Variants in LRRC4C observed in about 807,000 individuals in gnomAD.
LRRC4C encodes leucine rich repeat containing 4C, also known as leucine-rich repeat-containing protein 4C.
LRRC4C carries 5 observed loss-of-function variants against 33.6 expected under a neutral mutation model. The observed-to-expected ratio is 0.15, with a 90% CI of 0.08 to 0.31. LRRC4C has a LOEUF of 0.31. Among genes scored for constraint, LRRC4C ranks in the 10% least tolerant of loss-of-function variants. The probability of loss-of-function intolerance (pLI) is 1.00; values close to 1 mark genes in which losing one functional copy is unlikely to be tolerated. For synonymous variants in LRRC4C, 329 were observed against 302.0 expected, an observed-to-expected ratio of 1.09 and a Z score of -0.93; for missense variants, 560 against 796.7, an observed-to-expected ratio of 0.70 and a Z score of 3.58.
chr11:40,199,773 T>G (rs1392636797), intron 5 of LRRC4C, among the ~76,000 whole-genome samples: 4 of 152,212 alleles, frequency 2.6e-5, no homozygotes, highest in Non-Finnish European at 5.9e-5. Flanking sequence ...TCTGGGAATT[T>G]TCCTTGCAGA....
chr11:40,398,906 T>G (rs191052366), intron 3 of LRRC4C, among the ~76,000 whole-genome samples: 1 of 152,258 alleles, frequency 6.6e-6, no homozygotes, highest in East Asian at 1.9e-4. Flanking sequence ...CGTACCTAAT[T>G]TCAATTTGTA....
intron 2 of LRRC4C, among the ~76,000 whole-genome samples, chr11:40,737,709 G>A (rs1947953440): frequency 6.6e-6 from 1 of 152,008 alleles, no homozygotes; most frequent in South Asian, 2.1e-4. Context: ...CAATGCTCAA[G>A]GAAATAAGAG....
intron 1 of LRRC4C, among the ~76,000 whole-genome samples, chr11:41,134,663 G>A (rs1246219470): frequency 6.6e-6 from 1 of 152,140 alleles, no homozygotes; most frequent in African/African-American, 2.4e-5. Context: ...AACCTCTAGA[G>A]GAGGATCCTC....
chr11:40,667,438 T>G (rs77963099), intron 2 of LRRC4C, among the ~76,000 whole-genome samples: 1,541 of 152,310 alleles, frequency 0.01, 11 homozygotes, highest in Non-Finnish European at 0.016. Context: ...CGACAAATCC[T>G]TGCATAATCC....
intron 1 of LRRC4C, among the ~76,000 whole-genome samples, chr11:40,979,601 G>A (rs1430053442): frequency 1.3e-5 from 2 of 152,140 alleles, no homozygotes; most frequent in Non-Finnish European, 2.9e-5. Context: ...TACCGTCAAT[G>A]TTAATGAAAA....
At chr11:40,410,107 A>G (rs1191770519) in intron 3 of LRRC4C, among the ~76,000 whole-genome samples, 1 of 152,040 alleles carries the variant, frequency 6.6e-6, no homozygotes. Flanking sequence ...GACAGAGTTG[A>G]GTAGTTGTTA....
chr11:41,232,048 T>C (rs1030836735), intron 1 of LRRC4C, among the ~76,000 whole-genome samples: 4 of 151,950 alleles, frequency 2.6e-5, no homozygotes, highest in Non-Finnish European at 5.9e-5. Context: ...TTTAGTGTCA[T>C]GTTTTCATGA....
At chr11:41,163,523 A>T (rs1287313385) in intron 1 of LRRC4C, among the ~76,000 whole-genome samples, 1 of 151,554 alleles carries the variant, frequency 6.6e-6, no homozygotes, top group Non-Finnish European at 1.5e-5. Flanking sequence ...ACCTCAAATG[A>T]TCTGCTTACC....
intron 1 of LRRC4C, among the ~76,000 whole-genome samples, chr11:41,373,912 A>C (rs1952845657): frequency 6.6e-6 from 1 of 152,196 alleles, no homozygotes; most frequent in South Asian, 2.1e-4. Context: ...GTTGGATAAT[A>C]CCATGTGCCC....
At chr11:41,013,433 G>A (rs577197435) in intron 1 of LRRC4C, among the ~76,000 whole-genome samples, 2 of 152,190 alleles carry the variant, frequency 1.3e-5, no homozygotes, top group African/African-American at 2.4e-5. Flanking sequence ...AATTATTAAT[G>A]ATAATATGAA....
chr11:40,456,509 A>G (rs1324632901), intron 3 of LRRC4C, among the ~76,000 whole-genome samples: 2 of 152,084 alleles, frequency 1.3e-5, no homozygotes, highest in South Asian at 4.1e-4. Flanking sequence ...GACAGAAAAT[A>G]TGGAAGAACT....
chr11:40,480,624 A>G (rs1436552081), intron 3 of LRRC4C, among the ~76,000 whole-genome samples: 1 of 152,058 alleles, frequency 6.6e-6, no homozygotes, highest in African/African-American at 2.4e-5. Flanking sequence ...AACCTAAAAT[A>G]AACATCAAAA....
At chr11:41,088,726 A>C (rs1439922255) in intron 1 of LRRC4C, among the ~76,000 whole-genome samples, 4 of 152,096 alleles carry the variant, frequency 2.6e-5, no homozygotes, top group Admixed American at 2.6e-4. Flanking sequence ...TTAAATAAGT[A>C]ATAATTTGAA....
At chr11:40,410,746 A>C (rs2137636891) in intron 3 of LRRC4C, among the ~76,000 whole-genome samples, 1 of 152,220 alleles carries the variant, frequency 6.6e-6, no homozygotes, top group Non-Finnish European at 1.5e-5. Context: ...TAAAAGTTCT[A>C]AATTTTGAAC....
At chr11:41,266,950 C>T (rs766353493) in intron 1 of LRRC4C, among the ~76,000 whole-genome samples, 4 of 152,110 alleles carry the variant, frequency 2.6e-5, no homozygotes, top group Non-Finnish European at 5.9e-5. Flanking sequence ...CAATTCTGCA[C>T]AACCGTGTTA....
intron 4 of LRRC4C, among the ~76,000 whole-genome samples, chr11:40,255,584 C>G (rs1223712039): frequency 6.6e-6 from 1 of 152,046 alleles, no homozygotes; most frequent in Non-Finnish European, 1.5e-5. Flanking sequence ...AGAGTTGATG[C>G]AAAGGGGGAG....
At chr11:40,289,070 G>A (rs1199115959) in intron 4 of LRRC4C, among the ~76,000 whole-genome samples, 1 of 152,134 alleles carries the variant, frequency 6.6e-6, no homozygotes, top group East Asian at 1.9e-4. Context: ...GTATGAGGCA[G>A]CACTTTATAT....
At chr11:40,162,238 G>A (rs1042919117) in intron 5 of LRRC4C, among the ~76,000 whole-genome samples, 4 of 151,952 alleles carry the variant, frequency 2.6e-5, no homozygotes, top group Non-Finnish European at 1.5e-5. Flanking sequence ...TCTCCACAGG[G>A]ACTTAGTCTG....
At chr11:41,253,231 G>T (rs1301018955) in intron 1 of LRRC4C, among the ~76,000 whole-genome samples, 1 of 152,048 alleles carries the variant, frequency 6.6e-6, no homozygotes, top group East Asian at 1.9e-4. Flanking sequence ...TACTGGATGG[G>T]TCTGTACATT....
Sources: gnomAD v4.1 joint callset for allele counts (sites outside exome capture counted in the v4.1 genomes callset) on GRCh38, gnomAD v4.1.1 for gene constraint, MANE v1.5 for transcripts, NCBI Gene and HGNC (gene_info 2026-07-23, HGNC 2026-07-21) for gene names.